The following SCAMP2 variants were observed in gnomAD, a reference collection of about 807,000 sequenced individuals.
SCAMP2 encodes the protein secretory carrier-associated membrane protein 2.
Under a neutral mutation model 44.1 loss-of-function variants are expected in SCAMP2, and 25 were observed. The ratio of observed to expected loss-of-function variants is 0.57; its 90% CI spans 0.41 to 0.79. The LOEUF is 0.79. Ranked by LOEUF, SCAMP2 falls within the 30% of genes least tolerant of loss-of-function variation. The pLI is 0.00. For missense variants in SCAMP2, 355 were observed against 411.0 expected (o/e 0.86, Z 1.18); for synonymous variants, 156 against 166.0 (o/e 0.94, Z 0.46).
intron 1 of SCAMP2, among the ~76,000 whole-genome samples, chr15:74,869,684 G>A (rs528978194): frequency 1.2e-4 from 18 of 152,012 alleles, no homozygotes; most frequent in Non-Finnish European, 1.9e-4. Context: ...TTAGAATAGA[G>A]TTCTAAGAAT....
intron 1 of SCAMP2, among the ~76,000 whole-genome samples, chr15:74,863,935 G>C (rs543408793): frequency 6.6e-6 from 1 of 152,304 alleles, no homozygotes; most frequent in South Asian, 2.1e-4. Context: ...GGGAGAGTCA[G>C]GGAAGGCTCT....
intron 5 of SCAMP2, among the ~76,000 whole-genome samples, chr15:74,850,995 C>T (rs2064431723): frequency 6.6e-6 from 1 of 152,182 alleles, no homozygotes; most frequent in Non-Finnish European, 1.5e-5. Flanking sequence ...CCCTGGATGG[C>T]CCCTGATGGA....
At chr15:74,861,232 G>C (rs781718466) in intron 1 of SCAMP2, among the ~76,000 whole-genome samples, 10 of 152,136 alleles carry the variant, frequency 6.6e-5, no homozygotes, top group Non-Finnish European at 1.0e-4. Context: ...GTCATGCTGA[G>C]AGGCAGAGAG....
intron 5 of SCAMP2, 72 bp downstream of exon 5, chr15:74,851,281 C>A: frequency 6.4e-7 from 1 of 1,555,580 alleles, no homozygotes; most frequent in Non-Finnish European, 8.8e-7. Flanking sequence ...GGAGGAGCAG[C>A]CAGGACCAAG....
At chr15:74,867,322 C>T (rs2064550235) in intron 1 of SCAMP2, among the ~76,000 whole-genome samples, 1 of 152,210 alleles carries the variant, frequency 6.6e-6, no homozygotes, top group African/African-American at 2.4e-5. Flanking sequence ...TTAAATATTA[C>T]CATTTCTCTG....
At chr15:74,848,379 T>C (rs1484929381) in intron 7 of SCAMP2, 1 of 422,088 alleles carries the variant, frequency 2.4e-6, no homozygotes, top group African/African-American at 2.1e-5. Context: ...ATAGTGAGTG[T>C]CTTTTGATGC....
intron 3 of SCAMP2, 186 bp downstream of exon 3, chr15:74,853,835 T>A: frequency 1.7e-6 from 1 of 598,620 alleles, no homozygotes; most frequent in Non-Finnish European, 3.0e-6. Flanking sequence ...ATGGAGGGAG[T>A]AAGGATATTA....
intron 1 of SCAMP2, among the ~76,000 whole-genome samples, chr15:74,870,159 C>A (rs2064566482): frequency 6.6e-6 from 1 of 152,202 alleles, no homozygotes; most frequent in Non-Finnish European, 1.5e-5. Context: ...TTGACAGGAC[C>A]ACAGCTGCTT....
intron 1 of SCAMP2, among the ~76,000 whole-genome samples, chr15:74,857,292 C>T (rs942586968): frequency 6.6e-6 from 1 of 152,192 alleles, no homozygotes; most frequent in African/African-American, 2.4e-5. Context: ...GCAACTTGGA[C>T]AAAGTGACAA....
At chr15:74,846,259 G>T (rs2064398080) in intron 7 of SCAMP2, among the ~76,000 whole-genome samples, 1 of 151,600 alleles carries the variant, frequency 6.6e-6, no homozygotes. Flanking sequence ...TCCAGCCTAG[G>T]TGACAGGGCG....
chr15:74,851,555 A>G, intron 4 of SCAMP2, 74 bp from the exon 5 acceptor site: 1 of 1,587,594 alleles, frequency 6.3e-7, no homozygotes, highest in East Asian at 2.2e-5. Context: ...GCACGCCAGC[A>G]TAGTGTATGG....
chr15:74,846,356 G>A (rs2064398773), intron 7 of SCAMP2, among the ~76,000 whole-genome samples: 1 of 150,958 alleles, frequency 6.6e-6, no homozygotes, highest in Non-Finnish European at 1.5e-5. Flanking sequence ...GAGGTAGGAG[G>A]ATCACTTGAG....
chr15:74,864,563 C>CA (rs2064529951), intron 1 of SCAMP2, among the ~76,000 whole-genome samples: 1 of 152,114 alleles, frequency 6.6e-6, no homozygotes, highest in Non-Finnish European at 1.5e-5. Flanking sequence ...ATCATTCTAT[C>CA]AGCAGTGAAG....
intron 1 of SCAMP2, among the ~76,000 whole-genome samples, chr15:74,856,017 G>A (rs2064466537): frequency 6.6e-6 from 1 of 151,858 alleles, no homozygotes; most frequent in African/African-American, 2.4e-5. Flanking sequence ...ACCCTGCCCT[G>A]CCCCAAGAAG....
chr15:74,854,761 A>C (rs1596416793), intron 1 of SCAMP2, 112 bp from the exon 2 acceptor site: 7 of 911,770 alleles, frequency 7.7e-6, no homozygotes. Flanking sequence ...CCCTCCCGGG[A>C]CCCTGAGAAG....
intron 1 of SCAMP2, among the ~76,000 whole-genome samples, chr15:74,862,234 G>A (rs2064510178): frequency 7.5e-6 from 1 of 133,050 alleles, no homozygotes; most frequent in South Asian, 2.6e-4. Flanking sequence ...CTGCACTCCA[G>A]CCTGGGTGAC....
rs149710989 is a variant in SCAMP2, at chr15:74,844,879, G to GT, written c.*203dup. 11,517 of 537,122 alleles carry GT rather than the reference G, an allele frequency of 0.021. 619 individuals are homozygous for GT. The highest frequency in any genetic ancestry group is 0.16 in the African/African-American group (8,537 of 52,214). The allele number at this position is 537,122 out of a possible 1,614,324, so 33.3% of individuals were successfully genotyped here. ...TCACCAGAGAAGGAAAGAGAGCTTT[G>GT]TTTTTTTTTGTACATAGAGGGGGAA... On this transcript the variant is annotated 3_prime_UTR_variant, in exon 9 of 9. Coordinates refer to ENST00000268099, the MANE Select transcript of SCAMP2 (RefSeq NM_005697.5).
chr15:74,873,178 A>G (rs2064589192), intron 1 of SCAMP2, 21 bp downstream of exon 1: 1 of 1,428,038 alleles, frequency 7.0e-7, no homozygotes, highest in African/African-American at 1.5e-5. Context: ...TGAGAGCTGG[A>G]TGGCGGGAGA....
At chr15:74,850,736 G>A in intron 5 of SCAMP2, 63 bp from the exon 6 acceptor site, 1 of 1,557,974 alleles carries the variant, frequency 6.4e-7, no homozygotes, top group Non-Finnish European at 8.8e-7. Flanking sequence ...CTCCAATGTG[G>A]CAGCCACTCC....
Sources: gnomAD v4.1 joint callset for allele counts (sites outside exome capture counted in the v4.1 genomes callset) on GRCh38, gnomAD v4.1.1 for gene constraint, MANE v1.5 for transcripts, NCBI Gene and HGNC (gene_info 2026-07-23, HGNC 2026-07-21) for gene names.